Variants in CTNNA2 observed in about 807,000 individuals in gnomAD.
CTNNA2 encodes catenin alpha 2, also known as catenin alpha-2.
A neutral mutation model predicts 101.0 loss-of-function variants in CTNNA2; 42 were observed. The observed-to-expected ratio is 0.42, with a 90% confidence interval of 0.32 to 0.54. The LOEUF (loss-of-function observed/expected upper bound fraction) is 0.54. Among genes scored for constraint, CTNNA2 ranks in the 20% least tolerant of loss-of-function variants. The pLI is 0.14. For missense variants in CTNNA2, 871 were observed against 1,223.1 expected (o/e 0.71, Z 4.29); for synonymous variants, 450 against 456.4 (o/e 0.99, Z 0.18).
chr2:80,489,228 T>C (rs1249788860), intron 9 of CTNNA2, among the ~76,000 whole-genome samples: 2 of 152,180 alleles, frequency 1.3e-5, no homozygotes, highest in African/African-American at 2.4e-5. Flanking sequence ...TAAATCATGT[T>C]CACAATGAGG....
chr2:80,140,440 C>T (rs1317362603), intron 7 of CTNNA2, among the ~76,000 whole-genome samples: 2 of 152,062 alleles, frequency 1.3e-5, no homozygotes, highest in African/African-American at 4.8e-5. Context: ...GGTTTCAGGC[C>T]ACCTTTTGGA....
At chr2:80,277,363 T>C (rs1459138087) in intron 7 of CTNNA2, among the ~76,000 whole-genome samples, 1 of 152,080 alleles carries the variant, frequency 6.6e-6, no homozygotes, top group Non-Finnish European at 1.5e-5. Context: ...CCTTTTCCCT[T>C]CCTGAAGGTT....
chr2:79,351,599 G>A (rs1205165888), intron 3 of CTNNA2, among the ~76,000 whole-genome samples: 1 of 151,854 alleles, frequency 6.6e-6, no homozygotes, highest in Non-Finnish European at 1.5e-5. Context: ...ATTCTTCCCT[G>A]CTCTTTTATT....
At chr2:80,043,093 T>TTCTTTC (rs1345346543) in intron 7 of CTNNA2, among the ~76,000 whole-genome samples, 28 of 32,744 alleles carry the variant, frequency 8.6e-4, no homozygotes, top group Non-Finnish European at 1.2e-3. Flanking sequence ...CTTTCTTTCT[T>TTCTTTC]TCTCTCTCTC....
At chr2:80,474,580 A>T (rs1454377623) in intron 9 of CTNNA2, among the ~76,000 whole-genome samples, 1 of 152,194 alleles carries the variant, frequency 6.6e-6, no homozygotes, top group Admixed American at 6.5e-5. Flanking sequence ...CCTACCATAA[A>T]TTGAACCATT....
At chr2:79,633,341 T>C (rs1278667538) in intron 1 of CTNNA2, among the ~76,000 whole-genome samples, 1 of 152,202 alleles carries the variant, frequency 6.6e-6, no homozygotes, top group Non-Finnish European at 1.5e-5. Flanking sequence ...GTCCATATAG[T>C]CCAGGAAAAC....
intron 14 of CTNNA2, among the ~76,000 whole-genome samples, chr2:80,583,699 T>G (rs2149722865): frequency 6.6e-6 from 1 of 152,264 alleles, no homozygotes; most frequent in South Asian, 2.1e-4. Context: ...ACAGTCCCAC[T>G]TTTACAAGGA....
chr2:79,545,093 G>T (rs1673650805), intron 1 of CTNNA2, among the ~76,000 whole-genome samples: 1 of 152,184 alleles, frequency 6.6e-6, no homozygotes, highest in African/African-American at 2.4e-5. Flanking sequence ...CACCGTTGCA[G>T]AGACAGTTGT....
intron 7 of CTNNA2, among the ~76,000 whole-genome samples, chr2:80,361,914 A>G (rs1045582933): frequency 3.9e-5 from 6 of 152,168 alleles, no homozygotes; most frequent in African/African-American, 1.4e-4. Context: ...CTTTTTAAAA[A>G]GCCAAATAGA....
chr2:79,468,379 C>G (rs993271755), intron 4 of CTNNA2, among the ~76,000 whole-genome samples: 48 of 152,166 alleles, frequency 3.2e-4, no homozygotes, highest in Non-Finnish European at 5.7e-4. Flanking sequence ...ATTCATAAAG[C>G]AAGCCCTTAG....
intron 2 of CTNNA2, among the ~76,000 whole-genome samples, chr2:79,684,254 A>T (rs555127135): frequency 6.6e-6 from 1 of 152,330 alleles, no homozygotes; most frequent in South Asian, 2.1e-4. Context: ...TCATTTATAC[A>T]TATTCCATGC....
intron 2 of CTNNA2, among the ~76,000 whole-genome samples, chr2:79,230,661 C>G (rs1674479519): frequency 6.6e-6 from 1 of 152,108 alleles, no homozygotes; most frequent in Non-Finnish European, 1.5e-5. Flanking sequence ...CCTCCAGACC[C>G]TAGAATGGTA....
intron 1 of CTNNA2, among the ~76,000 whole-genome samples, chr2:79,645,932 A>C (rs1453932782): frequency 6.6e-6 from 1 of 152,210 alleles, no homozygotes; most frequent in Non-Finnish European, 1.5e-5. Context: ...GTATCAACTA[A>C]AGCTAGCCTA....
At chr2:79,822,271 A>G (rs1409589957) in intron 3 of CTNNA2, among the ~76,000 whole-genome samples, 7 of 152,018 alleles carry the variant, frequency 4.6e-5, no homozygotes, top group South Asian at 2.1e-4. Context: ...ATTTCTCTAC[A>G]TGTAAAAAAT....
chr2:79,294,140 C>T (rs1030974339), intron 2 of CTNNA2, among the ~76,000 whole-genome samples: 1 of 150,972 alleles, frequency 6.6e-6, no homozygotes, highest in African/African-American at 2.4e-5. Context: ...TTATAGATGG[C>T]CACTTTCTTT....
At chr2:79,781,772 T>C (rs6727867) in intron 3 of CTNNA2, among the ~76,000 whole-genome samples, 64,908 of 151,958 alleles carry the variant, frequency 0.43, 17,949 homozygotes, top group African/African-American at 0.77. Context: ...TCTGTGTGTG[T>C]GTAAAATAAC....
chr2:80,549,193 G>T (rs1032218143), intron 11 of CTNNA2, among the ~76,000 whole-genome samples: 1 of 152,116 alleles, frequency 6.6e-6, no homozygotes, highest in Non-Finnish European at 1.5e-5. Flanking sequence ...ATTTTTAATA[G>T]TATTTTAAAA....
At chr2:79,711,678 T>C (rs1685748824) in intron 2 of CTNNA2, among the ~76,000 whole-genome samples, 1 of 152,168 alleles carries the variant, frequency 6.6e-6, no homozygotes, top group Non-Finnish European at 1.5e-5. Flanking sequence ...AGATTATTAA[T>C]TAAGAACAGG....
chr2:80,406,710 C>T (rs1278916740), intron 8 of CTNNA2, among the ~76,000 whole-genome samples: 1 of 151,114 alleles, frequency 6.6e-6, no homozygotes, highest in Non-Finnish European at 1.5e-5. Flanking sequence ...GCCTGTAGTC[C>T]CAGCTACTCG....
Sources: allele counts gnomAD v4.1 joint callset (sites outside exome capture counted in the v4.1 genomes callset), GRCh38; gene constraint gnomAD v4.1.1; transcripts MANE v1.5; gene names NCBI Gene and HGNC (gene_info 2026-07-23, HGNC 2026-07-21).